The following ADGRB3 variants were observed in gnomAD, a reference collection of about 807,000 sequenced individuals.
The protein encoded by ADGRB3 is adhesion G protein-coupled receptor B3, also known as brain-specific angiogenesis inhibitor 3.
ADGRB3 carries 37 observed loss-of-function variants against 193.4 expected under a neutral mutation model. The ratio of observed to expected loss-of-function variants is 0.19; its 90% CI spans 0.15 to 0.25. ADGRB3 has a LOEUF of 0.25. Among genes scored for constraint, ADGRB3 ranks in the 10% least tolerant of loss-of-function variants. The pLI is 1.00. For missense variants in ADGRB3, 1,637 were observed against 1,852.9 expected (o/e 0.88, Z 2.14); for synonymous variants, 690 against 644.2 (o/e 1.07, Z -1.08).
At chr6:68,788,930 A>C (rs1318110464) in intron 3 of ADGRB3, among the ~76,000 whole-genome samples, 1 of 151,990 alleles carries the variant, frequency 6.6e-6, no homozygotes, top group African/African-American at 2.4e-5. Context: ...GTCTCTTTTG[A>C]ACTTTGTTGG....
intron 3 of ADGRB3, among the ~76,000 whole-genome samples, chr6:68,925,184 T>A (rs1767146670): frequency 6.6e-6 from 1 of 151,938 alleles, no homozygotes; most frequent in Admixed American, 6.6e-5. Context: ...GAGAATACAA[T>A]TTTTAAATCT....
chr6:69,003,687 TTA>T (rs1313005716), intron 11 of ADGRB3, among the ~76,000 whole-genome samples: 1 of 152,182 alleles, frequency 6.6e-6, no homozygotes, highest in Non-Finnish European at 1.5e-5. Flanking sequence ...AACCCCGCCC[TTA>T]TTGTAAACAT....
intron 26 of ADGRB3, among the ~76,000 whole-genome samples, chr6:69,341,432 A>G (rs1421908406): frequency 6.6e-6 from 1 of 151,904 alleles, no homozygotes; most frequent in Non-Finnish European, 1.5e-5. Flanking sequence ...ACAGATGTCC[A>G]TAATAAACCC....
At chr6:68,770,246 T>C (rs1766590771) in intron 3 of ADGRB3, among the ~76,000 whole-genome samples, 2 of 152,098 alleles carry the variant, frequency 1.3e-5, no homozygotes, top group South Asian at 4.1e-4. Context: ...TGATAAGTGG[T>C]TGCCAAAATC....
intron 3 of ADGRB3, among the ~76,000 whole-genome samples, chr6:68,670,538 A>T (rs143399892): frequency 1.5e-4 from 23 of 151,966 alleles, no homozygotes; most frequent in African/African-American, 4.3e-4. Flanking sequence ...TTTTTTCTCC[A>T]ATGGATGTTT....
At chr6:69,308,593 T>C (rs1168583244) in intron 20 of ADGRB3, among the ~76,000 whole-genome samples, 1 of 151,708 alleles carries the variant, frequency 6.6e-6, no homozygotes, top group Non-Finnish European at 1.5e-5. Context: ...ATATTTAGGT[T>C]TAATTTTGAC....
chr6:69,338,951 A>G lies in ADGRB3; in HGVS notation c.3224A>G (p.Lys1075Arg). The G allele has an allele frequency of 6.2e-7, 1 of 1,613,872 alleles. No individual in the cohort carries two copies. The highest frequency in any genetic ancestry group is 1.1e-5 in the South Asian group (1 of 91,072). ...MSEPHSGLTL[K>R]CAKCGVVSTT... is the part of the protein sequence containing the mutation. ...GAGCCTCATAGCGGTTTGACGCTCA[A>G]ATGTGCCAAGTGTGGAGTAGTTTCA... is the stretch of plus-strand genomic sequence containing the variant. The change falls in exon 25 of 32, where the codon AAA becomes AGA. Residue 1075 changes from lysine (K) to arginine (R), a missense_variant. Physicochemically the swap from Lys to Arg is conservative, Grantham distance 26. Around this residue, in one of 7 missense-constraint regions of ADGRB3, gnomAD observed 56 missense variants for 53.3 expected, o/e 1.05. Coordinates refer to ENST00000370598, the MANE Select transcript of ADGRB3 (RefSeq NM_001704.3).
chr6:68,964,705 G>GT (rs1312071583), intron 8 of ADGRB3, among the ~76,000 whole-genome samples: 2 of 152,060 alleles, frequency 1.3e-5, no homozygotes, highest in Non-Finnish European at 2.9e-5. Context: ...TGTCTGCTAA[G>GT]TTTAAATATA....
In ADGRB3 at chr6:68,868,605, T is replaced by C. The variant is rs117159287; in HGVS notation, c.758-61954T>C. ...AACATACATTTAAAGCAAACATTTA[T>C]TTTTCTTTGCTCCCAAAATACCTAT... On this transcript the variant is annotated intron_variant, in intron 3 of 31. Transcript: ENST00000370598. Among the ~76,000 whole-genome samples, 20 of 152,332 alleles carry C rather than the reference T, an allele frequency of 1.3e-4. No homozygotes were observed. In the East Asian group the frequency reaches 3.3e-3, roughly 25 times the overall value.
intron 13 of ADGRB3, among the ~76,000 whole-genome samples, chr6:69,033,125 T>C (rs975408554): frequency 1.7e-4 from 26 of 152,168 alleles, no homozygotes; most frequent in Non-Finnish European, 1.3e-4. Context: ...GATCTCAGAC[T>C]TCTAGGCAGA....
At chr6:69,313,180 T>C (rs2127301120) in intron 20 of ADGRB3, among the ~76,000 whole-genome samples, 1 of 152,008 alleles carries the variant, frequency 6.6e-6, no homozygotes, top group East Asian at 1.9e-4. Flanking sequence ...AGCAATTCTA[T>C]GCTTGGGCTT....
intron 3 of ADGRB3, among the ~76,000 whole-genome samples, chr6:68,835,836 A>T (rs1232635452): frequency 6.6e-6 from 1 of 152,238 alleles, no homozygotes; most frequent in East Asian, 1.9e-4. Context: ...TTCCTTCTGA[A>T]TATCACTCAT....
At chr6:68,910,661 G>A (rs1019449572) in intron 3 of ADGRB3, among the ~76,000 whole-genome samples, 1 of 152,138 alleles carries the variant, frequency 6.6e-6, no homozygotes, top group African/African-American at 2.4e-5. Flanking sequence ...ATTAAATAGG[G>A]AATCCTTTGC....
intron 3 of ADGRB3, among the ~76,000 whole-genome samples, chr6:68,655,290 T>C (rs1476520844): frequency 6.6e-6 from 1 of 151,184 alleles, no homozygotes; most frequent in African/African-American, 2.4e-5. Flanking sequence ...AACATCAGGG[T>C]TTTGTTTTGT....
At chr6:68,990,195 GA>G in intron 10 of ADGRB3, among the ~76,000 whole-genome samples, 1 of 151,832 alleles carries the variant, frequency 6.6e-6, no homozygotes, top group African/African-American at 2.4e-5. Context: ...AATAGGTAGT[GA>G]AAGGGTAGAC....
At chr6:69,064,445 A>G (rs1365223348) in intron 16 of ADGRB3, among the ~76,000 whole-genome samples, 1 of 151,982 alleles carries the variant, frequency 6.6e-6, no homozygotes, top group African/African-American at 2.4e-5. Flanking sequence ...AACCTTAAGA[A>G]CGTGTTTTAG....
chr6:68,748,591 G>A (rs553303282), intron 3 of ADGRB3, among the ~76,000 whole-genome samples: 3 of 152,332 alleles, frequency 2.0e-5, no homozygotes, highest in Admixed American at 2.0e-4. Context: ...GCGTGGTACA[G>A]CCTCCCTCTT....
intron 3 of ADGRB3, among the ~76,000 whole-genome samples, chr6:68,802,788 G>A (rs971732885): frequency 1.3e-5 from 2 of 152,154 alleles, no homozygotes; most frequent in African/African-American, 2.4e-5. Flanking sequence ...TAAGTGGTTA[G>A]ATAAATACAG....
chr6:68,759,208 T>A (rs889459982), intron 3 of ADGRB3, among the ~76,000 whole-genome samples: 1 of 152,252 alleles, frequency 6.6e-6, no homozygotes, highest in African/African-American at 2.4e-5. Flanking sequence ...GGCCTATTTA[T>A]TATTATATAG....
Sources: allele counts gnomAD v4.1 joint callset (sites outside exome capture counted in the v4.1 genomes callset), GRCh38; gene constraint gnomAD v4.1.1; regional missense constraint gnomAD v4.1.1; transcripts MANE v1.5; gene names NCBI Gene and HGNC (gene_info 2026-07-23, HGNC 2026-07-21).